NEDD9: variants seen among roughly 807,000 people sequenced by gnomAD.
The protein encoded by NEDD9 is enhancer of filamentation 1.
In NEDD9, 26 loss-of-function variants were observed where a neutral mutation model predicts 76.6. The ratio of observed to expected loss-of-function variants is 0.34; its 90% CI spans 0.25 to 0.47. The LOEUF is 0.47. NEDD9 is among the 20% of genes least tolerant of loss of function. The probability of loss-of-function intolerance (pLI) is 1.00; values close to 1 mark genes in which losing one functional copy is unlikely to be tolerated. For missense variants in NEDD9, 937 were observed against 1,058.5 expected (o/e 0.89, Z 1.59); for synonymous variants, 392 against 414.2 (o/e 0.95, Z 0.65).
chr6:11,342,291 C>T (rs944322697), intron 1 of NEDD9, among the ~76,000 whole-genome samples: 3 of 151,746 alleles, frequency 2.0e-5, no homozygotes, highest in Non-Finnish European at 4.4e-5. Flanking sequence ...GAAATAGTGG[C>T]CAAGAGCTTC....
chr6:11,333,534 G>A (rs760359434), intron 2 of NEDD9, among the ~76,000 whole-genome samples: 2 of 152,160 alleles, frequency 1.3e-5, no homozygotes, highest in African/African-American at 2.4e-5. Flanking sequence ...GGAAGTGCTC[G>A]GACAGGCATG....
At chr6:11,200,796 C>T in intron 2 of NEDD9, 2 of 1,437,568 alleles carry the variant, frequency 1.4e-6, no homozygotes, top group South Asian at 3.0e-5. Flanking sequence ...CTGTTCGTAT[C>T]AGTATTGGCA....
At chr6:11,257,512 C>A (rs960145325) in intron 3 of NEDD9, among the ~76,000 whole-genome samples, 2 of 152,202 alleles carry the variant, frequency 1.3e-5, no homozygotes, top group African/African-American at 2.4e-5. Context: ...AACAGCCCCC[C>A]AAATAGACCA....
chr6:11,378,183 C>A (rs562568446), intron 1 of NEDD9, among the ~76,000 whole-genome samples: 12 of 152,250 alleles, frequency 7.9e-5, no homozygotes, highest in African/African-American at 2.9e-4. Flanking sequence ...GTGGAGGTTG[C>A]GGCAAGCCAA....
chr6:11,367,860 C>T (rs1301459376), intron 1 of NEDD9, among the ~76,000 whole-genome samples: 1 of 152,220 alleles, frequency 6.6e-6, no homozygotes, highest in East Asian at 1.9e-4. Context: ...GCACCTTCTA[C>T]ACAGCACCCC....
chr6:11,366,412 G>GAAA (rs1561849111), intron 1 of NEDD9, among the ~76,000 whole-genome samples: 278 of 115,730 alleles, frequency 2.4e-3, no homozygotes, highest in African/African-American at 8.0e-3. Flanking sequence ...AAAGAAGAAA[G>GAAA]AAAAAAGAAA....
chr6:11,378,469 C>CG (rs1436287855), intron 1 of NEDD9, among the ~76,000 whole-genome samples: 2 of 152,108 alleles, frequency 1.3e-5, no homozygotes, highest in Non-Finnish European at 2.9e-5. Flanking sequence ...TATTTATAGC[C>CG]ACACAAACAT....
intron 3 of NEDD9, among the ~76,000 whole-genome samples, chr6:11,302,080 G>GT (rs1337600608): frequency 1.3e-5 from 2 of 151,982 alleles, no homozygotes; most frequent in African/African-American, 2.4e-5. Flanking sequence ...TCCAGGAGCT[G>GT]TTTTTTTAAA....
chr6:11,229,232 A>T (rs113315411), intron 1 of NEDD9, among the ~76,000 whole-genome samples: 3 of 152,262 alleles, frequency 2.0e-5, no homozygotes, highest in Admixed American at 2.0e-4. Flanking sequence ...AAAACGTTAA[A>T]GAATGAATTT....
chr6:11,322,854 C>G (rs1190084380), intron 2 of NEDD9, among the ~76,000 whole-genome samples: 2 of 152,160 alleles, frequency 1.3e-5, no homozygotes, highest in Non-Finnish European at 2.9e-5. Flanking sequence ...CTTACATGCA[C>G]GAAGCCAGGG....
At chr6:11,306,040 A>C in exon 3 of NEDD9, 1 of 1,613,776 alleles carries the variant, frequency 6.2e-7, no homozygotes, top group Non-Finnish European at 8.5e-7. Context: ...GGATGTTGGA[A>C]AGGACAATTC....
intron 1 of NEDD9, among the ~76,000 whole-genome samples, chr6:11,349,444 A>G (rs1339020487): frequency 1.3e-5 from 2 of 152,356 alleles, no homozygotes; most frequent in Middle Eastern, 6.8e-3. Context: ...AATAGAAATC[A>G]TTCCATCATA....
intron 2 of NEDD9, among the ~76,000 whole-genome samples, chr6:11,309,080 G>C (rs1381341050): frequency 6.6e-6 from 1 of 152,162 alleles, no homozygotes. Flanking sequence ...AGTTTTCTCT[G>C]TGCTTTACTA....
intron 3 of NEDD9, among the ~76,000 whole-genome samples, chr6:11,261,906 G>A (rs368555333): frequency 3.3e-5 from 5 of 152,202 alleles, no homozygotes; most frequent in East Asian, 1.9e-4. Flanking sequence ...TTAGATTCTC[G>A]TCTTACCCTG....
intron 1 of NEDD9, among the ~76,000 whole-genome samples, chr6:11,349,470 G>A (rs2113532937): frequency 6.6e-6 from 1 of 152,276 alleles, no homozygotes; most frequent in Admixed American, 6.5e-5. Context: ...ACATGCACAT[G>A]TTATGTTTAT....
intron 1 of NEDD9, among the ~76,000 whole-genome samples, chr6:11,231,430 A>T (rs777881154): frequency 2.6e-5 from 4 of 152,222 alleles, no homozygotes; most frequent in Non-Finnish European, 4.4e-5. Context: ...TTACAACCTT[A>T]CATCAAAAAA....
At chr6:11,355,350 T>A (rs1184823448) in intron 1 of NEDD9, among the ~76,000 whole-genome samples, 2 of 152,040 alleles carry the variant, frequency 1.3e-5, no homozygotes, top group African/African-American at 4.8e-5. Context: ...CTAGAAAAAT[T>A]TAAAAAAAAA....
chr6:11,243,625 C>T (rs559458598), intron 3 of NEDD9, among the ~76,000 whole-genome samples: 3 of 152,358 alleles, frequency 2.0e-5, no homozygotes, highest in Non-Finnish European at 2.9e-5. Flanking sequence ...ATGAAATCAA[C>T]TCCTTCGGTT....
At chr6:11,220,052 T>C (rs1025998110) in intron 1 of NEDD9, among the ~76,000 whole-genome samples, 1 of 152,182 alleles carries the variant, frequency 6.6e-6, no homozygotes, top group Non-Finnish European at 1.5e-5. Context: ...TGCTAATTTT[T>C]TCCCAGTACT....
Sources: allele counts gnomAD v4.1 joint callset (sites outside exome capture counted in the v4.1 genomes callset), GRCh38; gene constraint gnomAD v4.1.1; transcripts MANE v1.5; gene names NCBI Gene and HGNC (gene_info 2026-07-23, HGNC 2026-07-21).